The following NTNG1 variants were observed in gnomAD, a reference collection of about 807,000 sequenced individuals.
NTNG1 encodes the protein netrin G1.
NTNG1 carries 16 observed loss-of-function variants against 54.0 expected under a neutral mutation model. The ratio of observed to expected loss-of-function variants is 0.30; its 90% confidence interval spans 0.20 to 0.45. The LOEUF (loss-of-function observed/expected upper bound fraction) is 0.45, where lower values mean the gene tolerates loss of function less well. Among genes scored for constraint, NTNG1 ranks in the 20% least tolerant of loss-of-function variants. NTNG1 has a pLI of 1.00. For synonymous variants in NTNG1, 255 were observed against 263.1 expected, an observed-to-expected ratio of 0.97 and a Z score of 0.30; for missense variants, 530 against 678.7, an observed-to-expected ratio of 0.78 and a Z score of 2.43.
chr1:107,245,623 A>C (rs879653886), intron 2 of NTNG1, among the ~76,000 whole-genome samples: 1 of 152,156 alleles, frequency 6.6e-6, no homozygotes, highest in Non-Finnish European at 1.5e-5. Flanking sequence ...ATTTGATGCT[A>C]CTTATTTGAA....
intron 7 of NTNG1, among the ~76,000 whole-genome samples, chr1:107,440,057 A>G (rs1228031806): frequency 6.6e-6 from 1 of 151,816 alleles, no homozygotes. Context: ...GCAACACAAA[A>G]TCAATGCCAA....
At chr1:107,181,097 A>G (rs540209987) in intron 2 of NTNG1, among the ~76,000 whole-genome samples, 1 of 152,298 alleles carries the variant, frequency 6.6e-6, no homozygotes, top group South Asian at 2.1e-4. Flanking sequence ...AATAGAGTCA[A>G]TCACACTTGC....
At chr1:107,236,490 G>A (rs183418488) in intron 2 of NTNG1, among the ~76,000 whole-genome samples, 182 of 152,252 alleles carry the variant, frequency 1.2e-3, no homozygotes, top group African/African-American at 4.2e-3. Context: ...GATCCAGATA[G>A]CCAGGGTTTG....
intron 2 of NTNG1, among the ~76,000 whole-genome samples, chr1:107,261,305 A>T (rs1481461824): frequency 6.6e-6 from 1 of 152,206 alleles, no homozygotes; most frequent in Admixed American, 6.5e-5. Context: ...TTTAGTCACA[A>T]CTATGATAAA....
In NTNG1 at chr1:107,387,910, C is replaced by T. The variant is rs145362225; in HGVS notation, c.888-7244C>T. 7.0e-3 allele frequency among the ~76,000 whole-genome samples: 1,066 copies of T among 152,272 alleles called. 10 individuals are homozygous for T. Among genetic ancestry groups the T allele is most frequent in the African/African-American group, 0.024 (1,013 of 41,536 alleles). On this transcript the variant is annotated intron_variant, in intron 3 of 7. Coordinates refer to ENST00000370068, the MANE Select transcript of NTNG1 (RefSeq NM_001113226.3). ...TGCCTTCCGTAATAGAGACTGTCTC[C>T]CTCTGATTGTTCAGTGCAAAGGCAT...
rs191822326 is a variant in NTNG1, at chr1:107,180,034, C to G, written c.246+31195C>G. On this transcript the variant is annotated intron_variant, in intron 2 of 7. Coordinates refer to ENST00000370068, the MANE Select transcript of NTNG1 (RefSeq NM_001113226.3). ...ATTAACTCAAGGCCCTATTGAAACC[C>G]TTGCTTCCTACATACCAGAGAGTGT... 4.4e-3 allele frequency among the ~76,000 whole-genome samples: 664 copies of G among 152,246 alleles called. 5 individuals carry two copies. The highest frequency in any genetic ancestry group is 0.015 in the African/African-American group (639 of 41,554).
chr1:107,421,509 G>A (rs1032523215), intron 5 of NTNG1, among the ~76,000 whole-genome samples: 3 of 152,042 alleles, frequency 2.0e-5, no homozygotes, highest in South Asian at 2.1e-4. Context: ...CTTTTCATGA[G>A]ACCAGAAAGG....
intron 2 of NTNG1, among the ~76,000 whole-genome samples, chr1:107,304,017 AG>A (rs1159880875): frequency 2.1e-5 from 3 of 142,930 alleles, no homozygotes; most frequent in African/African-American, 8.6e-5. Flanking sequence ...GCCTCTTTTC[AG>A]AAAAAAAAAA....
At chr1:107,377,693 G>A (rs1570805182) in intron 3 of NTNG1, among the ~76,000 whole-genome samples, 1 of 152,128 alleles carries the variant, frequency 6.6e-6, no homozygotes, top group East Asian at 1.9e-4. Context: ...GCAAGTGCTT[G>A]GGCAAAAAGA....
At chr1:107,147,096 A>C (rs1460594015) in intron 1 of NTNG1, among the ~76,000 whole-genome samples, 2 of 152,060 alleles carry the variant, frequency 1.3e-5, no homozygotes, top group African/African-American at 4.8e-5. Flanking sequence ...TTGGATAGTG[A>C]TCTCTAAACA....
At chr1:107,355,130 G>C (rs1223017181) in intron 3 of NTNG1, among the ~76,000 whole-genome samples, 1 of 151,650 alleles carries the variant, frequency 6.6e-6, no homozygotes, top group Non-Finnish European at 1.5e-5. Context: ...AAACCTTCCT[G>C]ATCATTTTTG....
At chr1:107,471,489 C>A (rs907668565) in intron 7 of NTNG1, among the ~76,000 whole-genome samples, 3 of 152,202 alleles carry the variant, frequency 2.0e-5, no homozygotes, top group Non-Finnish European at 4.4e-5. Context: ...GGCTATGGAG[C>A]AGTAGATGCA....
intron 1 of NTNG1, among the ~76,000 whole-genome samples, chr1:107,144,961 A>G (rs1038548850): frequency 2.0e-5 from 3 of 152,130 alleles, no homozygotes; most frequent in Middle Eastern, 6.8e-3. Context: ...GCTCTTATGA[A>G]TCTGTTCTTA....
At chr1:107,422,343 G>A (rs1674624661) in intron 5 of NTNG1, among the ~76,000 whole-genome samples, 2 of 151,966 alleles carry the variant, frequency 1.3e-5, no homozygotes, top group Non-Finnish European at 2.9e-5. Flanking sequence ...GGAGGTGAAG[G>A]AGAAAGGAAG....
chr1:107,451,525 CAG>C (rs1419419700), intron 7 of NTNG1, among the ~76,000 whole-genome samples: 1 of 152,132 alleles, frequency 6.6e-6, no homozygotes, highest in Non-Finnish European at 1.5e-5. Context: ...GACTCATTGT[CAG>C]GGGTCAGCCA....
intron 2 of NTNG1, among the ~76,000 whole-genome samples, chr1:107,179,999 A>T (rs1233270633): frequency 6.6e-6 from 1 of 152,116 alleles, no homozygotes; most frequent in Non-Finnish European, 1.5e-5. Flanking sequence ...AGGAGCCTTA[A>T]ATTTGCCCAA....
intron 2 of NTNG1, among the ~76,000 whole-genome samples, chr1:107,247,303 GT>G (rs1662269898): frequency 6.6e-6 from 1 of 152,144 alleles, no homozygotes; most frequent in Admixed American, 6.5e-5. Flanking sequence ...TCAGTCGTAA[GT>G]TTAAAATGAG....
intron 3 of NTNG1, among the ~76,000 whole-genome samples, chr1:107,334,670 A>C (rs940187960): frequency 6.6e-6 from 1 of 152,060 alleles, no homozygotes; most frequent in African/African-American, 2.4e-5. Flanking sequence ...GTGAAACAGA[A>C]TGGTTAAATG....
At chr1:107,189,273 C>G (rs1390560827) in intron 2 of NTNG1, among the ~76,000 whole-genome samples, 1 of 148,818 alleles carries the variant, frequency 6.7e-6, no homozygotes, top group Non-Finnish European at 1.5e-5. Flanking sequence ...ATCTCTTGAA[C>G]CCAGGAGGCA....
Sources: gnomAD v4.1 joint callset for allele counts (sites outside exome capture counted in the v4.1 genomes callset) on GRCh38, gnomAD v4.1.1 for gene constraint, MANE v1.5 for transcripts, NCBI Gene and HGNC (gene_info 2026-07-23, HGNC 2026-07-21) for gene names.